TMEM59: variants seen among roughly 807,000 people sequenced by gnomAD.
The protein encoded by TMEM59 is transmembrane protein 59, also known as dendritic cell factor 1.
TMEM59 carries 44 observed loss-of-function variants against 42.2 expected under a neutral mutation model. The ratio of observed to expected loss-of-function variants is 1.04; its 90% CI spans 0.82 to 1.34. The LOEUF (loss-of-function observed/expected upper bound fraction) is 1.34, where lower values mean the gene tolerates loss of function less well. TMEM59 is among the 40% of genes most tolerant of loss of function. TMEM59 has a pLI of 0.00. For missense variants in TMEM59, 359 were observed against 382.8 expected (o/e 0.94, Z 0.52); for synonymous variants, 148 against 145.8 (o/e 1.02, Z -0.11).
At chr1:54,035,634 C>T (rs1569937845) in intron 7 of TMEM59, among the ~76,000 whole-genome samples, 1 of 150,024 alleles carries the variant, frequency 6.7e-6, no homozygotes. Flanking sequence ...TCTTTTGAGA[C>T]TCAGGGTCTT....
intron 7 of TMEM59, among the ~76,000 whole-genome samples, chr1:54,035,032 A>G (rs1299573413): frequency 6.6e-6 from 1 of 152,254 alleles, no homozygotes; most frequent in Non-Finnish European, 1.5e-5. Context: ...GTTAAAGGAC[A>G]CAACATTTCA....
intron 1 of TMEM59, among the ~76,000 whole-genome samples, chr1:54,052,150 T>C (rs1000455349): frequency 6.6e-6 from 1 of 151,922 alleles, no homozygotes; most frequent in Admixed American, 6.6e-5. Flanking sequence ...AAATCATACA[T>C]GGGAAAGGTG....
chr1:54,050,353 C>T (rs1386323427), intron 1 of TMEM59, among the ~76,000 whole-genome samples: 1 of 151,958 alleles, frequency 6.6e-6, no homozygotes, highest in Non-Finnish European at 1.5e-5. Context: ...GAACTCCTGA[C>T]CACCCAGGAT....
rs1275804481 is a variant in TMEM59 at position 54,030,990 on chromosome 1, G to A, written c.*1160C>T. 6.6e-6 allele frequency: 1 copy of A among 152,128 alleles called. No homozygotes were observed. The highest frequency in any genetic ancestry group is 2.4e-5 in the African/African-American group (1 of 41,426). The allele number at this position is 152,128 out of a possible 1,614,324, so 9.4% of individuals were successfully genotyped here. A position where few individuals can be genotyped will look rare whatever the true frequency, so the allele number is the denominator to read the frequency against. On this transcript the variant is annotated 3_prime_UTR_variant, in exon 8 of 8. Transcript: ENST00000234831. ...GTGTAGGCTGGGCACAGTCACTCAC[G>A]CCTGTAATCCCAGCACTTTGGAAGG... is the stretch of plus-strand genomic sequence containing the variant.
Position 54,028,176 on chromosome 1 carries a change from TCAAA to T in TMEM59, c.*3970_*3973del, listed in dbSNP as rs1275975818. 1 of 152,172 alleles carries T rather than the reference TCAAA, an allele frequency of 6.6e-6. No individual in the cohort carries two copies. The highest frequency in any genetic ancestry group is 2.4e-5 in the African/African-American group (1 of 41,418). The allele number at this position is 152,172 out of a possible 1,614,324, so 9.4% of individuals were successfully genotyped here. A position where few individuals can be genotyped will look rare whatever the true frequency, so the allele number is the denominator to read the frequency against. On this transcript the variant is annotated 3_prime_UTR_variant, in exon 8 of 8. Coordinates refer to ENST00000234831, the MANE Select transcript of TMEM59 (RefSeq NM_004872.5). ...CCATGGGGCAGCCTTCCCAGTTTGC[TCAAA>T]CATTCTGTTGCCAGGCTGTGACCAG...
chr1:54,042,674 A>G (rs937672697), intron 4 of TMEM59, among the ~76,000 whole-genome samples: 1 of 152,208 alleles, frequency 6.6e-6, no homozygotes, highest in Non-Finnish European at 1.5e-5. Flanking sequence ...GAGGAATTCA[A>G]CTACTGAATT....
intron 6 of TMEM59, among the ~76,000 whole-genome samples, chr1:54,040,551 A>G (rs1657104983): frequency 6.6e-6 from 1 of 152,226 alleles, no homozygotes; most frequent in African/African-American, 2.4e-5. Flanking sequence ...TTGTACTGTG[A>G]AAAAAACTAC....
At chr1:54,038,774 T>TA (rs1223160808) in intron 6 of TMEM59, among the ~76,000 whole-genome samples, 1 of 152,188 alleles carries the variant, frequency 6.6e-6, no homozygotes, top group East Asian at 1.9e-4. Context: ...AATCACCACC[T>TA]ACTTATCACA....
At chr1:54,045,848 G>A in intron 2 of TMEM59, 62 bp from the exon 3 acceptor site, 2 of 1,417,720 alleles carry the variant, frequency 1.4e-6, no homozygotes, top group South Asian at 1.5e-5. Context: ...GGAAAGAAAA[G>A]GATTTGGCAT....
chr1:54,034,118 C>CAAAAAAAA (rs76749666), intron 7 of TMEM59: 1 of 83,604 alleles, frequency 1.2e-5, no homozygotes, highest in African/African-American at 5.3e-5. Context: ...GACTCCATCT[C>CAAAAAAAA]AAAAAAAAAA....
Position 54,031,950 on chromosome 1 carries a change from T to A in TMEM59, c.*200A>T. On this transcript the variant is annotated 3_prime_UTR_variant, in exon 8 of 8. Coordinates refer to ENST00000234831, the MANE Select transcript of TMEM59 (RefSeq NM_004872.5). ...AGATATTAGTAAAATAATAATACAA[T>A]CCCAAACATCCACCTCTTAAATTAC... 1 of 444,588 alleles carries A rather than the reference T, an allele frequency of 2.2e-6. No homozygotes were observed. The highest frequency in any genetic ancestry group is 3.8e-6 in the Non-Finnish European group (1 of 262,102). The allele number at this position is 444,588 out of a possible 1,614,324, so 27.5% of individuals were successfully genotyped here. A position where few individuals can be genotyped will look rare whatever the true frequency, so the allele number is the denominator to read the frequency against.
chr1:54,032,367 C>A, intron 7 of TMEM59, 62 bp from the exon 8 acceptor site: 1 of 1,342,346 alleles, frequency 7.4e-7, no homozygotes, highest in Non-Finnish European at 9.8e-7. Flanking sequence ...CCAAGTTAGT[C>A]TTTAAATAAC....
At position 54,036,661 on chromosome 1, in the gene TMEM59, CCAAAGCA is replaced by C. The variant is rs764337555; in HGVS notation, c.758_764del (p.Leu253Ter). On this transcript the variant is annotated frameshift_variant, in exon 7 of 8. Coordinates refer to ENST00000234831, the MANE Select transcript of TMEM59 (RefSeq NM_004872.5). LOFTEE classifies it high-confidence loss of function. ...CTGTAGCAACAGTTGCACAACAAAT[CCAAAGCA>C]ATACCATCACCGAGAGGACAAGAGT... 9 of 1,610,296 alleles carry C rather than the reference CCAAAGCA, an allele frequency of 5.6e-6. No individual in the cohort carries two copies. Among genetic ancestry groups the C allele is most frequent in the Non-Finnish European group, 7.6e-6 (9 of 1,178,196 alleles).
At chr1:54,039,648 G>C (rs1657072102) in intron 6 of TMEM59, among the ~76,000 whole-genome samples, 1 of 152,208 alleles carries the variant, frequency 6.6e-6, no homozygotes, top group Admixed American at 6.5e-5. Flanking sequence ...CAGGGAGCAT[G>C]TGATTTGGAC....
At chr1:54,047,583 G>C (rs974121061) in intron 1 of TMEM59, 1 of 466,560 alleles carries the variant, frequency 2.1e-6, no homozygotes, top group African/African-American at 2.1e-5. Flanking sequence ...GTGATACGAA[G>C]AAAAAAGCCT....
chr1:54,039,572 T>C (rs902795098), intron 6 of TMEM59, among the ~76,000 whole-genome samples: 1 of 152,236 alleles, frequency 6.6e-6, no homozygotes, highest in Admixed American at 6.5e-5. Context: ...TATTAATTTG[T>C]AAGGTCCACA....
intron 1 of TMEM59, among the ~76,000 whole-genome samples, chr1:54,048,940 A>C (rs1035404929): frequency 6.6e-6 from 1 of 152,250 alleles, no homozygotes; most frequent in African/African-American, 2.4e-5. Context: ...TTCATATCTG[A>C]GTAGCTGTTG....
chr1:54,052,419 C>T (rs1223456578), intron 1 of TMEM59, among the ~76,000 whole-genome samples: 1 of 152,102 alleles, frequency 6.6e-6, no homozygotes, highest in Non-Finnish European at 1.5e-5. Context: ...TAACCCAGTC[C>T]CTCTTGGCAG....
intron 5 of TMEM59, 57 bp from the exon 6 acceptor site, chr1:54,040,894 C>T (rs1449666965): frequency 2.2e-6 from 3 of 1,348,524 alleles, no homozygotes; most frequent in East Asian, 2.3e-5. Context: ...GCTAGTCTCA[C>T]ATGACTACTT....
Sources: allele counts gnomAD v4.1 joint callset (sites outside exome capture counted in the v4.1 genomes callset), GRCh38; gene constraint gnomAD v4.1.1; transcripts MANE v1.5; gene names NCBI Gene and HGNC (gene_info 2026-07-23, HGNC 2026-07-21).